Variants in SPICE1 observed in about 807,000 individuals in gnomAD.
SPICE1 encodes spindle and centriole-associated protein 1.
SPICE1 carries 75 observed loss-of-function variants against 102.7 expected under a neutral mutation model. The ratio of observed to expected loss-of-function variants is 0.73; its 90% CI spans 0.61 to 0.88. The LOEUF is 0.88. Ranked by LOEUF, SPICE1 falls within the 40% of genes least tolerant of loss-of-function variation. The pLI, the probability that SPICE1 is intolerant of heterozygous loss-of-function variation, is 0.00. For synonymous variants in SPICE1, 308 were observed against 350.3 expected (o/e 0.88, Z 1.35); for missense variants, 979 against 1,020.1 (o/e 0.96, Z 0.55).
Position 113,469,112 on chromosome 3 carries a change from T to G in SPICE1, c.738A>C (p.Ser246=), listed in dbSNP as rs1268597661. 3 of 1,612,908 alleles carry G rather than the reference T, an allele frequency of 1.9e-6. No homozygotes were observed. In the East Asian group the frequency reaches 6.7e-5, roughly 36 times the overall value. Residue 246 remains serine, a synonymous_variant, in exon 8 of 18, where the codon TCA becomes TCC. Coordinates refer to ENST00000295872, the MANE Select transcript of SPICE1 (RefSeq NM_144718.4). ...AGGGAAACAAACCTCTTTGCTCCCC[T>G]GATGAAAGAGCAGATGATGGCGTTC... The part of the protein sequence containing the change: ...PPGTPSSALS[S]GEQRAALNAT...
At chr3:113,504,232 C>G (rs976540228) in intron 2 of SPICE1, among the ~76,000 whole-genome samples, 7 of 152,108 alleles carry the variant, frequency 4.6e-5, no homozygotes, top group African/African-American at 1.7e-4. Context: ...TAACTTGGCC[C>G]TTTCCAAAGC....
At chr3:113,512,753 C>A (rs889561408) in intron 1 of SPICE1, among the ~76,000 whole-genome samples, 2 of 152,072 alleles carry the variant, frequency 1.3e-5, no homozygotes, top group East Asian at 3.9e-4. Context: ...TTGTCCTCCT[C>A]CACACAAACA....
chr3:113,465,837 T>C (rs1936043998), intron 10 of SPICE1, 53 bp from the exon 11 acceptor site: 2 of 1,578,486 alleles, frequency 1.3e-6, no homozygotes, highest in Non-Finnish European at 1.7e-6. Flanking sequence ...TGTTGAAAAC[T>C]AAAAGTTTGC....
At chr3:113,513,227 C>T (rs1937253741) in intron 1 of SPICE1, among the ~76,000 whole-genome samples, 1 of 151,990 alleles carries the variant, frequency 6.6e-6, no homozygotes, top group Non-Finnish European at 1.5e-5. Context: ...TGCAACATAG[C>T]AAGACCCTGT....
intron 7 of SPICE1, among the ~76,000 whole-genome samples, chr3:113,474,515 CA>C (rs1187543112): frequency 3.3e-5 from 5 of 151,994 alleles, no homozygotes; most frequent in Non-Finnish European, 7.4e-5. Context: ...ACACCTATTC[CA>C]AAATTGACCA....
In SPICE1 at chr3:113,499,627, A is replaced by T. The variant is rs978301763; in HGVS notation, c.148-45T>A. The T allele has an allele frequency of 4.0e-6, 6 of 1,514,704 alleles. No homozygotes were observed. The Admixed American group carries it at 8.4e-5, about 21-fold the overall frequency. The allele number at this position is 1,514,704 out of a possible 1,614,324, so 93.8% of individuals were successfully genotyped here. A position where few individuals can be genotyped will look rare whatever the true frequency, so the allele number is the denominator to read the frequency against. ...ACATAAAGGAATGTTTCAGACACAA[A>T]GAAGTTGCCTATTCAGATGATGAGA... On this transcript the variant is annotated intron_variant, in intron 3 of 17. Coordinates refer to ENST00000295872, the MANE Select transcript of SPICE1 (RefSeq NM_144718.4).
At chr3:113,460,308 T>C in intron 12 of SPICE1, 4 of 943,242 alleles carry the variant, frequency 4.2e-6, no homozygotes, top group Non-Finnish European at 5.1e-6. Flanking sequence ...TGTATGACTT[T>C]GCTAAGTTAC....
rs765834221 is a variant in SPICE1, at chr3:113,488,947, G to A, written c.609C>T (p.Asp203=). ...ATATTTATGCCATATACACATACCT[G>A]TCTGTATTCGTGTTAGACTGAGAGT... ...SLNSQSNTNT[D]RFLQQLTEEN... Residue 203 remains aspartate (D), a splice_region_variant and synonymous_variant, in exon 7 of 18, where the codon GAC becomes GAT. Transcript: ENST00000295872. 1 of 1,585,456 alleles carries A rather than the reference G, an allele frequency of 6.3e-7. No homozygotes were observed. The highest frequency in any genetic ancestry group is 8.7e-7 in the Non-Finnish European group (1 of 1,154,018).
In SPICE1 at chr3:113,514,945, T is replaced by A; in HGVS notation, c.-49A>T. ...GCGGCTGCGCTTCCTGAAGTAAGGA[T>A]TCCCCAACCGGGCGCCTGGATCCCA... On this transcript the variant is annotated 5_prime_UTR_variant, in exon 1 of 18. Transcript: ENST00000295872. The A allele has an allele frequency of 9.9e-7, 1 of 1,014,978 alleles. No individual in the cohort carries two copies. 62.9% of individuals were successfully genotyped at this position (1,014,978 alleles called of 1,614,324 possible). A position where few individuals can be genotyped will look rare whatever the true frequency, so the allele number is the denominator to read the frequency against.
chr3:113,499,360 G>A lies in SPICE1; in HGVS notation c.291+79C>T, dbSNP rs780730389. Reference sequence around the variant, plus strand: ...CAGTGATTACTAGAGTCTCTCCAACGTGAATCAAATTGAAGAAAAACAAAG... The same window carrying A: ...CAGTGATTACTAGAGTCTCTCCAACATGAATCAAATTGAAGAAAAACAAAG... On this transcript the variant is annotated intron_variant, in intron 4 of 17. Coordinates refer to ENST00000295872, the MANE Select transcript of SPICE1 (RefSeq NM_144718.4). 19 of 1,444,706 alleles carry A rather than the reference G, an allele frequency of 1.3e-5. No homozygotes were observed. The African/African-American group carries it at 1.7e-4, about 13-fold the overall frequency. 89.5% of individuals were successfully genotyped at this position (1,444,706 alleles called of 1,614,324 possible).
intron 4 of SPICE1, among the ~76,000 whole-genome samples, chr3:113,497,339 G>A (rs1003257382): frequency 5.3e-5 from 8 of 152,006 alleles, no homozygotes; most frequent in African/African-American, 1.5e-4. Flanking sequence ...CATATAGGAG[G>A]GTATTTTTTT....
chr3:113,461,946 T>C (rs1245270822), intron 11 of SPICE1, among the ~76,000 whole-genome samples: 2 of 152,152 alleles, frequency 1.3e-5, no homozygotes, highest in Non-Finnish European at 1.5e-5. Flanking sequence ...AGAACTGAAA[T>C]AGACTTCTCA....
At chr3:113,503,331 AC>A in intron 2 of SPICE1, 104 bp from the exon 3 acceptor site, 2 of 1,142,036 alleles carry the variant, frequency 1.8e-6, no homozygotes, top group Non-Finnish European at 2.4e-6. Flanking sequence ...AAATCCTAGG[AC>A]CAAAAATTCT....
intron 15 of SPICE1, 120 bp downstream of exon 15, chr3:113,450,216 A>G: frequency 8.8e-7 from 1 of 1,131,170 alleles, no homozygotes. Context: ...TTTCTGTGCA[A>G]AATTGAAGGC....
intron 4 of SPICE1, among the ~76,000 whole-genome samples, chr3:113,496,250 T>A (rs1936882883): frequency 6.6e-6 from 1 of 152,100 alleles, no homozygotes; most frequent in African/African-American, 2.4e-5. Flanking sequence ...GGCTTTTACT[T>A]CTTCTTTCTA....
intron 7 of SPICE1, among the ~76,000 whole-genome samples, chr3:113,472,021 A>G (rs1936213290): frequency 6.6e-6 from 1 of 152,220 alleles, no homozygotes; most frequent in Admixed American, 6.5e-5. Flanking sequence ...GGGGTCAGGG[A>G]GTTCCCTTTC....
rs111348871 is a variant in SPICE1 at position 113,503,035 on chromosome 3, C to T, written c.147+145G>A. The T allele has an allele frequency of 2.5e-3, 1,823 of 721,766 alleles. 34 individuals are homozygous for T. In the African/African-American group the frequency reaches 0.029, roughly 12 times the overall value. 44.7% of individuals were successfully genotyped at this position (721,766 alleles called of 1,614,324 possible). On this transcript the variant is annotated intron_variant, in intron 3 of 17. Coordinates refer to ENST00000295872, the MANE Select transcript of SPICE1 (RefSeq NM_144718.4). ...CAAATCAGGAAGTCCAGAAGATAGG[C>T]GTTTTGATTTTATATAGACATAAAC...
chr3:113,481,666 T>C (rs138194646), intron 7 of SPICE1, among the ~76,000 whole-genome samples: 4,420 of 151,154 alleles, frequency 0.029, 113 homozygotes, highest in East Asian at 0.1. Context: ...GAACACACAG[T>C]GTTTGGTTTT....
At chr3:113,471,795 T>C (rs1313594107) in intron 7 of SPICE1, among the ~76,000 whole-genome samples, 1 of 152,158 alleles carries the variant, frequency 6.6e-6, no homozygotes, top group African/African-American at 2.4e-5. Flanking sequence ...AATTTTGTTT[T>C]TTCGGGAAGG....
Sources: allele counts gnomAD v4.1 joint callset (sites outside exome capture counted in the v4.1 genomes callset), GRCh38; gene constraint gnomAD v4.1.1; transcripts MANE v1.5; gene names NCBI Gene and HGNC (gene_info 2026-07-23, HGNC 2026-07-21).